Variants in ZNF28 observed in about 807,000 individuals in gnomAD.
ZNF28 encodes the protein zinc finger protein 28.
In ZNF28, 5 loss-of-function variants were observed where a neutral mutation model predicts 7.2. The observed-to-expected ratio is 0.70, with a 90% CI of 0.36 to 1.46. ZNF28 has a LOEUF of 1.46. ZNF28 is among the 40% of genes most tolerant of loss of function. The pLI is 0.03. For missense variants in ZNF28, 879 were observed against 866.6 expected, an observed-to-expected ratio of 1.01 and a Z score of -0.18; for synonymous variants, 288 against 292.4, an observed-to-expected ratio of 0.99 and a Z score of 0.15.
chr19:52,819,413 T>A (rs1399613113), intron 1 of ZNF28, among the ~76,000 whole-genome samples: 1 of 141,088 alleles, frequency 7.1e-6, no homozygotes, highest in Non-Finnish European at 1.5e-5. Context: ...TTTTTTCATT[T>A]TTGGGGTACT....
At chr19:52,812,787 A>G (rs796724255) in intron 2 of ZNF28, among the ~76,000 whole-genome samples, 1 of 131,076 alleles carries the variant, frequency 7.6e-6, no homozygotes, top group African/African-American at 2.8e-5. Flanking sequence ...AAAAAAAAAA[A>G]GTTTTAAGTG....
intron 2 of ZNF28, among the ~76,000 whole-genome samples, chr19:52,815,538 T>A (rs2063111743): frequency 6.9e-6 from 1 of 144,406 alleles, no homozygotes; most frequent in African/African-American, 2.7e-5. Flanking sequence ...ATAAAAAAAA[T>A]AACTGTCTGG....
rs367623238 is a variant in ZNF28, at chr19:52,800,665, G to A, written c.1180C>T (p.Arg394Cys). ...ECEECEKVFS[R>C]KSHLERHKRI... ...TTATGTCTTTCAAGATGTGATTTGC[G>A]ACTGAAAACTTTTTCACATTCTTCA... is the stretch of plus-strand genomic sequence containing the variant. Residue 394 changes from arginine (R) to cysteine (C), a missense_variant, in exon 4 of 4, where the codon CGC becomes TGC. This residue lies in a region of ZNF28 where 864 missense variants were observed against 830.2 expected (regional missense o/e 1.04). Coordinates refer to ENST00000457749, the MANE Select transcript of ZNF28 (RefSeq NM_006969.5). 52 of 1,612,330 alleles carry A rather than the reference G, an allele frequency of 3.2e-5. No homozygotes were observed. The Admixed American group carries it at 3.5e-4, about 11-fold the overall frequency.
rs1235249419 is a variant in ZNF28, at chr19:52,820,139, C to A, written c.-74+1447G>T. Among the ~76,000 whole-genome samples, 10 of 94,036 alleles carry A rather than the reference C, an allele frequency of 1.1e-4. 2 individuals are homozygous for A. In the East Asian group the frequency reaches 2.5e-3, roughly 24 times the overall value. 61.7% of individuals were successfully genotyped at this position (94,036 alleles called of 152,430 possible). On this transcript the variant is annotated intron_variant, in intron 1 of 3. Coordinates refer to ENST00000457749, the MANE Select transcript of ZNF28 (RefSeq NM_006969.5). ...TTTTTTTTTTTTTTTGAGACGGAGTCTCGCTCTGTCGTCCAGGCCGGACTG... is the reference window on the plus strand; with the variant it reads ...TTTTTTTTTTTTTTTGAGACGGAGTATCGCTCTGTCGTCCAGGCCGGACTG...
At chr19:52,804,317 A>G in intron 3 of ZNF28, among the ~76,000 whole-genome samples, 1 of 152,118 alleles carries the variant, frequency 6.6e-6, no homozygotes, top group East Asian at 1.9e-4. Flanking sequence ...TGTTTTTGAG[A>G]TGGAGTCATG....
At chr19:52,813,361 G>T (rs2063079774) in intron 2 of ZNF28, among the ~76,000 whole-genome samples, 1 of 151,896 alleles carries the variant, frequency 6.6e-6, no homozygotes, top group Non-Finnish European at 1.5e-5. Context: ...GAGTGGGGCA[G>T]GGGGCGGCTT....
rs769033267 is a variant in ZNF28 at position 52,808,140 on chromosome 19, T to C, written c.16-7A>G. 1 of 1,612,618 alleles carries C rather than the reference T, an allele frequency of 6.2e-7. No homozygotes were observed. The highest frequency in any genetic ancestry group is 1.3e-5 in the African/African-American group (1 of 74,960). On this transcript the variant is annotated splice_region_variant and splice_polypyrimidine_tract_variant and intron_variant, in intron 2 of 3. Transcript: ENST00000457749. Reference sequence around the variant, plus strand: ...CCCTGAATGTCAATAGACCCTGAAATGGAAACACATTTTAACCAAATGGTT... The same window carrying C: ...CCCTGAATGTCAATAGACCCTGAAACGGAAACACATTTTAACCAAATGGTT...
At chr19:52,811,640 GA>G (rs1306823165) in intron 2 of ZNF28, among the ~76,000 whole-genome samples, 3 of 147,868 alleles carry the variant, frequency 2.0e-5, no homozygotes, top group Admixed American at 6.6e-5. Context: ...GAGAAGTGAG[GA>G]AACCCTCTGC....
chr19:52,807,085 A>T (rs1329612705), intron 3 of ZNF28, among the ~76,000 whole-genome samples: 6 of 152,152 alleles, frequency 3.9e-5, no homozygotes, highest in Non-Finnish European at 8.8e-5. Flanking sequence ...CTGAGCTCTT[A>T]CCTGCGTTTG....
chr19:52,798,894 G>C lies in ZNF28; in HGVS notation c.*794C>G. 1.4e-6 allele frequency: 2 copies of C among 1,427,020 alleles called. No homozygotes were observed. Among genetic ancestry groups the C allele is most frequent in the South Asian group, 2.4e-5 (2 of 82,564 alleles). The allele number at this position is 1,427,020 out of a possible 1,614,324, so 88.4% of individuals were successfully genotyped here. ...TGGATTGCTTGATGGTGAATAAGTGGTGACTGCCCACTAAAGGCTTTGCCA... is the reference window on the plus strand; with the variant it reads ...TGGATTGCTTGATGGTGAATAAGTGCTGACTGCCCACTAAAGGCTTTGCCA... On this transcript the variant is annotated 3_prime_UTR_variant, in exon 4 of 4. Coordinates refer to ENST00000457749, the MANE Select transcript of ZNF28 (RefSeq NM_006969.5).
At chr19:52,809,993 G>A (rs1469960246) in intron 2 of ZNF28, 4 of 765,324 alleles carry the variant, frequency 5.2e-6, no homozygotes, top group Non-Finnish European at 9.3e-6. Flanking sequence ...AGGAACTGGA[G>A]CCTGAGGAGC....
chr19:52,804,583 C>T (rs1365203220), intron 3 of ZNF28, among the ~76,000 whole-genome samples: 4 of 152,178 alleles, frequency 2.6e-5, no homozygotes, highest in Admixed American at 2.6e-4. Flanking sequence ...ATTGGCCAGG[C>T]TTGTCTCAAA....
intron 3 of ZNF28, among the ~76,000 whole-genome samples, chr19:52,802,631 C>A (rs182502661): frequency 6.6e-6 from 1 of 150,782 alleles, no homozygotes; most frequent in Admixed American, 6.6e-5. Context: ...GAGTTGAGAT[C>A]GCACCACTGC....
At chr19:52,815,073 ATGTGTGTATG>A (rs909845675) in intron 2 of ZNF28, among the ~76,000 whole-genome samples, 1 of 120,522 alleles carries the variant, frequency 8.3e-6, no homozygotes, top group African/African-American at 3.3e-5. Context: ...ATGTATAGAT[ATGTGTGTATG>A]TGTGTGTATA....
In ZNF28 at chr19:52,798,673, A is replaced by C; in HGVS notation, c.*1015T>G. 2.3e-6 allele frequency: 1 copy of C among 439,176 alleles called. No individual in the cohort carries two copies. Among genetic ancestry groups the C allele is most frequent in the Non-Finnish European group, 4.6e-6 (1 of 218,280 alleles). 27.2% of individuals were successfully genotyped at this position (439,176 alleles called of 1,614,324 possible). Reference sequence around the variant, plus strand: ...AAACTTGACTGAAGACCTTGCCACAATCATGACATTTATAAGGTTTCTCTC... The same window carrying C: ...AAACTTGACTGAAGACCTTGCCACACTCATGACATTTATAAGGTTTCTCTC... On this transcript the variant is annotated 3_prime_UTR_variant, in exon 4 of 4. Coordinates refer to ENST00000457749, the MANE Select transcript of ZNF28 (RefSeq NM_006969.5).
At position 52,799,392 on chromosome 19, in the gene ZNF28, A is replaced by T; in HGVS notation, c.*296T>A. The T allele has an allele frequency of 1.6e-6, 1 of 618,106 alleles. No homozygotes were observed. Among genetic ancestry groups the T allele is most frequent in the South Asian group, 2.0e-5 (1 of 49,088 alleles). 38.3% of individuals were successfully genotyped at this position (618,106 alleles called of 1,614,324 possible). The stretch of plus-strand genomic sequence containing the variant: ...AGCATGCATTTTCTTATGTGTTTCA[A>T]GGTTTGATTTGCAACCGAAAACTTT... On this transcript the variant is annotated 3_prime_UTR_variant, in exon 4 of 4. Coordinates refer to ENST00000457749, the MANE Select transcript of ZNF28 (RefSeq NM_006969.5).
At chr19:52,805,942 C>T (rs1452718774) in intron 3 of ZNF28, 6 of 151,938 alleles carry the variant, frequency 3.9e-5, no homozygotes, top group Admixed American at 6.6e-5. Context: ...ATCGCAGCAT[C>T]GTACTTCAGC....
At chr19:52,812,718 C>T (rs2063068372) in intron 2 of ZNF28, among the ~76,000 whole-genome samples, 1 of 128,660 alleles carries the variant, frequency 7.8e-6, no homozygotes, top group Non-Finnish European at 1.6e-5. Flanking sequence ...TGTCCTATGA[C>T]CCTGCCAAAT....
At chr19:52,808,437 A>G (rs557413454) in intron 2 of ZNF28, among the ~76,000 whole-genome samples, 9 of 152,122 alleles carry the variant, frequency 5.9e-5, no homozygotes, top group Admixed American at 2.6e-4. Flanking sequence ...TATCTAGATG[A>G]GAGAGAGCAT....
Sources: gnomAD v4.1 joint callset for allele counts (sites outside exome capture counted in the v4.1 genomes callset) on GRCh38, gnomAD v4.1.1 for gene constraint, gnomAD v4.1.1 regional missense constraint, MANE v1.5 for transcripts, NCBI Gene and HGNC (gene_info 2026-07-23, HGNC 2026-07-21) for gene names.